TNFRSF1A: variants seen among roughly 807,000 people sequenced by gnomAD.
TNFRSF1A encodes the protein TNF receptor superfamily member 1A.
In TNFRSF1A, 9 loss-of-function variants were observed where a neutral mutation model predicts 41.6. That is an observed-to-expected ratio of 0.22 (90% CI 0.13 to 0.38). The LOEUF (loss-of-function observed/expected upper bound fraction) is 0.38. Among genes scored for constraint, TNFRSF1A ranks in the 10% least tolerant of loss-of-function variants. The pLI is 1.00. For missense variants in TNFRSF1A, 463 were observed against 591.5 expected (o/e 0.78, Z 2.25); for synonymous variants, 254 against 248.6 (o/e 1.02, Z -0.21).
chr12:6,329,879 T>C lies in TNFRSF1A; in HGVS notation c.956A>G (p.Gln319Arg), dbSNP rs759621044. Residue 319 changes from glutamine (Q) to arginine (R), a missense_variant, in exon 9 of 10, where the codon CAG becomes CGG. Physicochemically the swap from Gln to Arg is conservative, Grantham distance 43. Transcript: ENST00000162749. ...TGTCGCAAGGATGGGGTCAGCCCCC[T>C]GATAGGGTGGTGCCACCTCTCTGCG... ...APRREVAPPY[Q>R]GADPILATAL... The C allele has an allele frequency of 1.9e-6, 3 of 1,590,064 alleles. No individual in the cohort carries two copies.
chr12:6,331,167 G>T (rs1280883631), intron 5 of TNFRSF1A: 5 of 562,762 alleles, frequency 8.9e-6, no homozygotes, highest in South Asian at 7.9e-5. Flanking sequence ...TCAGGGTCAG[G>T]GTGTAAATTC....
Position 6,333,866 on chromosome 12 carries a change from C to A in TNFRSF1A, c.194-1G>T. 1 of 1,602,796 alleles carries A rather than the reference C, an allele frequency of 6.2e-7. No homozygotes were observed. Among genetic ancestry groups the A allele is most frequent in the Non-Finnish European group, 8.5e-7 (1 of 1,174,156 alleles). ...GGACAGTCATTGTACAAGTAGGTTC[C>A]TGTGAATGGGGCCGCAGAGTTAGGC... On this transcript the variant is annotated splice_acceptor_variant, in intron 2 of 9. Transcript: ENST00000162749. LOFTEE classifies it high-confidence loss of function. This position sits in a 1 kb window ranked among gnomAD's most constrained non-coding sequence, Gnocchi z 6.3.
At chr12:6,339,481 C>T (rs144450010) in intron 1 of TNFRSF1A, among the ~76,000 whole-genome samples, 1 of 152,282 alleles carries the variant, frequency 6.6e-6, no homozygotes, top group African/African-American at 2.4e-5. Context: ...GAGATCTATA[C>T]AGGGAGTGCT....
rs1272647182 is a variant in TNFRSF1A at position 6,341,843 on chromosome 12, C to A, written c.-29G>T. On this transcript the variant is annotated 5_prime_UTR_variant, in exon 1 of 10. An upstream start codon of the reference 5' UTR is lost. Transcript: ENST00000162749. The surrounding 1 kb of genome is among the most constrained non-coding windows in gnomAD (Gnocchi z 4.6). ...AGACAGCTATGGCCTCTCACTCCCCCATTTGGGCTCAGGGCAGTGTGGCAG... is the reference window on the plus strand; with the variant it reads ...AGACAGCTATGGCCTCTCACTCCCCAATTTGGGCTCAGGGCAGTGTGGCAG... 1 of 1,613,946 alleles carries A rather than the reference C, an allele frequency of 6.2e-7. No homozygotes were observed. Among genetic ancestry groups the A allele is most frequent in the Non-Finnish European group, 8.5e-7 (1 of 1,180,000 alleles).
At position 6,330,229 on chromosome 12, in the gene TNFRSF1A, C is replaced by G. The variant is rs779260875; in HGVS notation, c.768+38G>C. On this transcript the variant is annotated intron_variant, in intron 8 of 9. Coordinates refer to ENST00000162749, the MANE Select transcript of TNFRSF1A (RefSeq NM_001065.4). The stretch of plus-strand genomic sequence containing the variant: ...GCATTAGGCAATTATAAGGAATGGT[C>G]AGGGACATTTGGGAGTAACTCTCTC... 4 of 1,613,972 alleles carry G rather than the reference C, an allele frequency of 2.5e-6. No individual in the cohort carries two copies. The Admixed American group carries it at 6.7e-5, about 27-fold the overall frequency.
chr12:6,339,837 T>C (rs371544498), intron 1 of TNFRSF1A, among the ~76,000 whole-genome samples: 7 of 108,828 alleles, frequency 6.4e-5, no homozygotes, highest in Admixed American at 3.4e-4. Context: ...TCTCTCTCTC[T>C]CTCTCACACA....
rs1948131879 is a variant in TNFRSF1A at position 6,337,150 on chromosome 12, C to A, written c.40-2906G>T. Among the ~76,000 whole-genome samples the A allele has an allele frequency of 6.6e-6, 1 of 152,238 alleles. No individual in the cohort carries two copies. Among genetic ancestry groups the A allele is most frequent in the South Asian group, 2.1e-4 (1 of 4,838 alleles). ...CCTCTCTGATCCCTAGGAGCCAGGG[C>A]CCTCAGACTCCCCACCACTGGGCAC... is the stretch of plus-strand genomic sequence containing the variant. On this transcript the variant is annotated intron_variant, in intron 1 of 9. Transcript: ENST00000162749. This position sits in a 1 kb window ranked among gnomAD's most constrained non-coding sequence, Gnocchi z 4.6.
Position 6,334,283 on chromosome 12 carries a change from G to T in TNFRSF1A, c.40-39C>A. On this transcript the variant is annotated intron_variant, in intron 1 of 9. Transcript: ENST00000162749. This position sits in a 1 kb window ranked among gnomAD's most constrained non-coding sequence, Gnocchi z 5.1. ...AGATAGAGGAGACACCATCAAGAGA[G>T]GGAGGGATGGGAAGCTTAGGGGTAG... The T allele has an allele frequency of 6.3e-7, 1 of 1,590,012 alleles. No individual in the cohort carries two copies. The highest frequency in any genetic ancestry group is 1.1e-5 in the South Asian group (1 of 90,080).
rs1168633891 is a variant in TNFRSF1A, at chr12:6,341,463, C to G, written c.39+313G>C. On this transcript the variant is annotated intron_variant, in intron 1 of 9. Coordinates refer to ENST00000162749, the MANE Select transcript of TNFRSF1A (RefSeq NM_001065.4). This position sits in a 1 kb window ranked among gnomAD's most constrained non-coding sequence, Gnocchi z 4.6. ...CTTTTCCCCGCCAAATCTGCCCCAC[C>G]CTGGGCCTATCTCCTGCCCACATTC... 6.6e-6 allele frequency among the ~76,000 whole-genome samples: 1 copy of G among 152,254 alleles called. No homozygotes were observed. The highest frequency in any genetic ancestry group is 1.5e-5 in the Non-Finnish European group (1 of 68,050).
chr12:6,340,786 G>A (rs1369395785), intron 1 of TNFRSF1A, among the ~76,000 whole-genome samples: 3 of 152,166 alleles, frequency 2.0e-5, no homozygotes, highest in Non-Finnish European at 4.4e-5. Context: ...AAATCTGCCT[G>A]ACTAGATGGG....
rs2136821129 is a variant in TNFRSF1A, at chr12:6,333,034, C to T, written c.551+35G>A. ...CAGTCACCCGTCCCAACCCATGCCA[C>T]CATCCAGTGCCCAGCAGCTCTCAGA... is the stretch of plus-strand genomic sequence containing the variant. On this transcript the variant is annotated intron_variant, in intron 5 of 9. Transcript: ENST00000162749. The surrounding 1 kb of genome is among the most constrained non-coding windows in gnomAD (Gnocchi z 6.3). The T allele has an allele frequency of 1.1e-5, 17 of 1,596,932 alleles. No individual in the cohort carries two copies. The highest frequency in any genetic ancestry group is 1.5e-5 in the Non-Finnish European group (17 of 1,164,978).
In TNFRSF1A at chr12:6,329,768, A is replaced by G; in HGVS notation, c.1057+10T>C. 6.3e-7 allele frequency: 1 copy of G among 1,598,010 alleles called. No homozygotes were observed. Among genetic ancestry groups the G allele is most frequent in the Non-Finnish European group, 8.5e-7 (1 of 1,172,728 alleles). On this transcript the variant is annotated intron_variant, in intron 9 of 9. Coordinates refer to ENST00000162749, the MANE Select transcript of TNFRSF1A (RefSeq NM_001065.4). The stretch of plus-strand genomic sequence containing the variant: ...CAGCCTCCTCGTCTCCAGCCGCGGG[A>G]GAAACTCACTGTCTAGGCTCTGTGG...
Position 6,341,800 on chromosome 12 carries a change from G to A in TNFRSF1A, c.15C>T (p.Thr5=), listed in dbSNP as rs200386529. 144 of 1,614,140 alleles carry A rather than the reference G, an allele frequency of 8.9e-5. No individual in the cohort carries two copies. The highest frequency in any genetic ancestry group is 3.3e-4 in the Middle Eastern group (2 of 6,060). The change falls in exon 1 of 10, where the codon ACC becomes ACT. Residue 5 remains threonine (T), a synonymous_variant. Transcript: ENST00000162749. This position sits in a 1 kb window ranked among gnomAD's most constrained non-coding sequence, Gnocchi z 4.6. MGLS[T]VPDLLLPLVL... ...CCAGTGGCAGCAGCAGGTCAGGCACGGTGGAGAGGCCCATGCCAGACAGCT... is the reference window on the plus strand; with the variant it reads ...CCAGTGGCAGCAGCAGGTCAGGCACAGTGGAGAGGCCCATGCCAGACAGCT...
At chr12:6,336,077 G>A (rs1426021756) in intron 1 of TNFRSF1A, among the ~76,000 whole-genome samples, 1 of 152,208 alleles carries the variant, frequency 6.6e-6, no homozygotes, top group Non-Finnish European at 1.5e-5. Context: ...TTTCCCCGAA[G>A]AAGCCACTGG....
intron 1 of TNFRSF1A, among the ~76,000 whole-genome samples, chr12:6,335,329 G>A (rs930090597): frequency 3.9e-5 from 6 of 152,144 alleles, no homozygotes; most frequent in African/African-American, 1.2e-4. Flanking sequence ...GTGGGCAAAG[G>A]TGTGCAGGAC....
Position 6,341,764 on chromosome 12 carries a change from C to T in TNFRSF1A, c.39+12G>A. The T allele has an allele frequency of 1.2e-6, 2 of 1,614,092 alleles. No homozygotes were observed. Among genetic ancestry groups the T allele is most frequent in the Non-Finnish European group, 1.7e-6 (2 of 1,179,982 alleles). Reference sequence around the variant, plus strand: ...CCCACCAGCCCACTCTTCCCTTTGTCCCTGGTCTCACCAGTGGCAGCAGCA... The same window carrying T: ...CCCACCAGCCCACTCTTCCCTTTGTTCCTGGTCTCACCAGTGGCAGCAGCA... On this transcript the variant is annotated intron_variant, in intron 1 of 9. Coordinates refer to ENST00000162749, the MANE Select transcript of TNFRSF1A (RefSeq NM_001065.4). The surrounding 1 kb of genome is among the most constrained non-coding windows in gnomAD (Gnocchi z 4.6).
At chr12:6,340,596 C>T (rs762192708) in intron 1 of TNFRSF1A, among the ~76,000 whole-genome samples, 6 of 151,768 alleles carry the variant, frequency 4.0e-5, no homozygotes, top group South Asian at 4.2e-4. Context: ...GGGACCAGAG[C>T]GGAGCAGAGA....
intron 5 of TNFRSF1A, among the ~76,000 whole-genome samples, chr12:6,332,866 T>C (rs1481193694): frequency 6.6e-6 from 1 of 152,184 alleles, no homozygotes; most frequent in African/African-American, 2.4e-5. Flanking sequence ...GGGCATGATC[T>C]TCCATCCTCA....
In TNFRSF1A at chr12:6,330,071, AAG is replaced by A; in HGVS notation, c.769-7_769-6del. The A allele has an allele frequency of 1.9e-6, 3 of 1,612,556 alleles. No individual in the cohort carries two copies. Among genetic ancestry groups the A allele is most frequent in the South Asian group, 2.2e-5 (2 of 91,062 alleles). ...AGTAGTTCCTTCAAGCTCCCCCTGA[AAG>A]AGAGAAGGTGGCGCAGCATTAGTGC... On this transcript the variant is annotated splice_polypyrimidine_tract_variant and splice_region_variant and intron_variant, in intron 8 of 9. Transcript: ENST00000162749.
Sources: gnomAD v4.1 joint callset for allele counts (sites outside exome capture counted in the v4.1 genomes callset) on GRCh38, gnomAD v4.1.1 for gene constraint, Gnocchi (gnomAD v3.1) non-coding constraint, MANE v1.5 for transcripts, NCBI Gene and HGNC (gene_info 2026-07-23, HGNC 2026-07-21) for gene names.